Variants in NSMCE2 observed in about 807,000 individuals in gnomAD.
NSMCE2 encodes NSE2 SUMO ligase component of SMC5/6 complex.
A neutral mutation model predicts 23.8 loss-of-function variants in NSMCE2; 24 were observed. That is an observed-to-expected ratio of 1.01 (90% CI 0.73 to 1.42). The LOEUF is 1.42. NSMCE2 is among the 40% of genes most tolerant of loss of function. The pLI, the probability that NSMCE2 is intolerant of heterozygous loss-of-function variation, is 0.00. For synonymous variants in NSMCE2, 92 were observed against 94.1 expected (o/e 0.98, Z 0.13); for missense variants, 284 against 296.5 (o/e 0.96, Z 0.31).
chr8:125,314,863 A>G (rs1002513025), intron 5 of NSMCE2, among the ~76,000 whole-genome samples: 1 of 152,228 alleles, frequency 6.6e-6, no homozygotes, highest in East Asian at 1.9e-4. Flanking sequence ...GGAGATGGGC[A>G]AAGCATGAGA....
chr8:125,147,436 C>G (rs547843483), intron 3 of NSMCE2, among the ~76,000 whole-genome samples: 1 of 152,248 alleles, frequency 6.6e-6, no homozygotes, highest in South Asian at 2.1e-4. Flanking sequence ...GGATTAAAAT[C>G]TCTTTGGTGA....
At chr8:125,349,062 C>CACACAG (rs1812918035) in intron 5 of NSMCE2, among the ~76,000 whole-genome samples, 1 of 135,842 alleles carries the variant, frequency 7.4e-6, no homozygotes, top group Non-Finnish European at 1.6e-5. Context: ...CACACACACA[C>CACACAG]AGAGCTCTTA....
chr8:125,133,902 C>G (rs148588332), intron 3 of NSMCE2, among the ~76,000 whole-genome samples: 54 of 152,252 alleles, frequency 3.5e-4, no homozygotes, highest in African/African-American at 1.2e-3. Flanking sequence ...AATTTTATCA[C>G]TAATCAGAAT....
intron 3 of NSMCE2, among the ~76,000 whole-genome samples, chr8:125,122,524 C>G (rs928384008): frequency 6.6e-6 from 1 of 152,140 alleles, no homozygotes; most frequent in Non-Finnish European, 1.5e-5. Context: ...CTCTTTAAGC[C>G]TCTTTTCTCT....
At chr8:125,253,053 A>G (rs763739694) in intron 5 of NSMCE2, among the ~76,000 whole-genome samples, 20 of 152,236 alleles carry the variant, frequency 1.3e-4, no homozygotes, top group Non-Finnish European at 1.9e-4. Context: ...GGCAAATGGT[A>G]AGCTCTCAGT....
intron 3 of NSMCE2, among the ~76,000 whole-genome samples, chr8:125,144,215 C>A (rs548775523): frequency 1.3e-5 from 2 of 152,296 alleles, no homozygotes; most frequent in African/African-American, 4.8e-5. Context: ...CTCTCCAGTG[C>A]ATGCCTTAGG....
intron 5 of NSMCE2, among the ~76,000 whole-genome samples, chr8:125,188,747 G>A (rs747196736): frequency 1.3e-5 from 2 of 152,100 alleles, no homozygotes; most frequent in African/African-American, 4.8e-5. Flanking sequence ...AGGATACTGC[G>A]AACTAAGGCC....
intron 5 of NSMCE2, among the ~76,000 whole-genome samples, chr8:125,191,477 A>G (rs1165642773): frequency 6.6e-6 from 1 of 152,208 alleles, no homozygotes; most frequent in Admixed American, 6.5e-5. Context: ...TCCAGATCAT[A>G]GAACTGCCTT....
At chr8:125,092,667 A>T (rs1563643940) in intron 1 of NSMCE2, among the ~76,000 whole-genome samples, 1 of 152,248 alleles carries the variant, frequency 6.6e-6, no homozygotes, top group Non-Finnish European at 1.5e-5. Flanking sequence ...GCTGACTTGT[A>T]CAAGGCTCCC....
Position 125,341,862 on chromosome 8 carries a change from G to C in NSMCE2, c.419-15357G>C, listed in dbSNP as rs1271068535. Among the ~76,000 whole-genome samples, 5 of 127,410 alleles carry C rather than the reference G, an allele frequency of 3.9e-5. No homozygotes were observed. In the Admixed American group the frequency reaches 4.9e-4, roughly 12 times the overall value. The allele number at this position is 127,410 out of a possible 152,430, so 83.6% of individuals were successfully genotyped here. ...GCCACCAAGGACCCTTTAGGATCGA[G>C]AGTCCATGTGCAATGCACTGAGGAT... On this transcript the variant is annotated intron_variant, in intron 5 of 7. Transcript: ENST00000287437.
At chr8:125,342,628 T>TCCTC (rs1300885600) in intron 5 of NSMCE2, among the ~76,000 whole-genome samples, 1 of 151,712 alleles carries the variant, frequency 6.6e-6, no homozygotes. Context: ...CTTCCTTCCC[T>TCCTC]CCTCCCTCCC....
At chr8:125,173,677 T>C (rs1822335565) in intron 4 of NSMCE2, among the ~76,000 whole-genome samples, 1 of 152,198 alleles carries the variant, frequency 6.6e-6, no homozygotes, top group Non-Finnish European at 1.5e-5. Flanking sequence ...CAGTTTCATA[T>C]TCAGAATATG....
chr8:125,119,279 G>A (rs997357826), intron 3 of NSMCE2, among the ~76,000 whole-genome samples: 1 of 152,136 alleles, frequency 6.6e-6, no homozygotes, highest in South Asian at 2.1e-4. Flanking sequence ...ACATGATGGC[G>A]TGTGTGGAAA....
intron 3 of NSMCE2, among the ~76,000 whole-genome samples, chr8:125,137,291 T>C (rs1157074176): frequency 2.0e-5 from 3 of 152,202 alleles, no homozygotes; most frequent in Non-Finnish European, 2.9e-5. Context: ...ATGGATCTTA[T>C]AATCTAATCA....
intron 5 of NSMCE2, among the ~76,000 whole-genome samples, chr8:125,296,390 T>A (rs1828326779): frequency 8.3e-6 from 1 of 119,804 alleles, no homozygotes. Flanking sequence ...GTTGCCATGG[T>A]CATTTTTTTT....
chr8:125,117,493 C>A (rs951115275), intron 3 of NSMCE2, among the ~76,000 whole-genome samples: 80 of 152,026 alleles, frequency 5.3e-4, no homozygotes, highest in Admixed American at 2.0e-3. Flanking sequence ...CCAGTTAATG[C>A]GTTTTCTTTG....
intron 5 of NSMCE2, among the ~76,000 whole-genome samples, chr8:125,231,545 C>T (rs1406937393): frequency 2.0e-5 from 3 of 152,130 alleles, no homozygotes; most frequent in Admixed American, 2.0e-4. Flanking sequence ...TCTGGTCATT[C>T]CTACCATAGC....
At chr8:125,248,905 C>T (rs1486622165) in intron 5 of NSMCE2, among the ~76,000 whole-genome samples, 1 of 152,152 alleles carries the variant, frequency 6.6e-6, no homozygotes, top group East Asian at 1.9e-4. Context: ...CACGGTGGCT[C>T]ATGCCTGTAA....
intron 5 of NSMCE2, among the ~76,000 whole-genome samples, chr8:125,344,413 T>G (rs1830360697): frequency 6.6e-6 from 1 of 152,190 alleles, no homozygotes; most frequent in African/African-American, 2.4e-5. Context: ...CATTTCATCA[T>G]CTATTCCTTC....
Sources: allele counts gnomAD v4.1 joint callset (sites outside exome capture counted in the v4.1 genomes callset), GRCh38; gene constraint gnomAD v4.1.1; transcripts MANE v1.5; gene names NCBI Gene and HGNC (gene_info 2026-07-23, HGNC 2026-07-21).